The following SUCLG2 variants were observed in gnomAD, a reference collection of about 807,000 sequenced individuals.
SUCLG2 encodes succinate--CoA ligase [GDP-forming] subunit beta, mitochondrial.
Under a neutral mutation model 47.9 loss-of-function variants are expected in SUCLG2, and 42 were observed. The ratio of observed to expected loss-of-function variants is 0.88; its 90% CI spans 0.69 to 1.14. SUCLG2 has a LOEUF of 1.14. SUCLG2 is among the 50% of genes most tolerant of loss of function. The pLI, the probability that SUCLG2 is intolerant of heterozygous loss-of-function variation, is 0.00. For missense variants in SUCLG2, 571 were observed against 525.9 expected (o/e 1.09, Z -0.84); for synonymous variants, 195 against 197.3 (o/e 0.99, Z 0.10).
At position 67,627,414 on chromosome 3, in the gene SUCLG2, T is replaced by G. The variant is rs563129708; in HGVS notation, c.85-17818A>C. On this transcript the variant is annotated intron_variant, in intron 1 of 10. Transcript: ENST00000307227. Reference sequence around the variant, plus strand: ...TTTACTTGGATATTTCACAATTATTTTCTCATTAGATCTGAACAGCATCTT... The same window carrying G: ...TTTACTTGGATATTTCACAATTATTGTCTCATTAGATCTGAACAGCATCTT... Among the ~76,000 whole-genome samples, 3 of 152,338 alleles carry G rather than the reference T, an allele frequency of 2.0e-5. No individual in the cohort carries two copies. The South Asian group carries it at 6.2e-4, about 32-fold the overall frequency.
At chr3:67,366,199 C>T (rs191431558) in intron 10 of SUCLG2, among the ~76,000 whole-genome samples, 9 of 152,248 alleles carry the variant, frequency 5.9e-5, no homozygotes, top group East Asian at 1.9e-4. Context: ...CAGTGGCTCA[C>T]GCCTGTAATC....
chr3:67,532,337 T>C (rs1268394485), intron 2 of SUCLG2, among the ~76,000 whole-genome samples: 1 of 152,162 alleles, frequency 6.6e-6, no homozygotes, highest in Non-Finnish European at 1.5e-5. Context: ...AGGTTTCCCA[T>C]GTTGCTCCAG....
intron 2 of SUCLG2, among the ~76,000 whole-genome samples, chr3:67,603,311 G>A (rs553362184): frequency 6.6e-6 from 1 of 152,350 alleles, no homozygotes; most frequent in South Asian, 2.1e-4. Context: ...GGCTTGCAAT[G>A]TATTTAATTG....
intron 10 of SUCLG2, among the ~76,000 whole-genome samples, chr3:67,366,368 C>A (rs957525387): frequency 1.3e-5 from 2 of 151,930 alleles, no homozygotes; most frequent in East Asian, 1.9e-4. Context: ...AACAAAAAAA[C>A]CCCAGAAAAG....
intron 2 of SUCLG2, among the ~76,000 whole-genome samples, chr3:67,605,699 C>G (rs1411045820): frequency 6.6e-6 from 1 of 152,118 alleles, no homozygotes; most frequent in Non-Finnish European, 1.5e-5. Context: ...AGCACACACA[C>G]ACAACCATGC....
At chr3:67,531,472 C>T (rs1706402332) in intron 2 of SUCLG2, among the ~76,000 whole-genome samples, 1 of 152,112 alleles carries the variant, frequency 6.6e-6, no homozygotes, top group Non-Finnish European at 1.5e-5. Flanking sequence ...AGTCACTAAC[C>T]ATCAAGACAC....
At chr3:67,372,148 A>G (rs142624419), downstream of SUCLG2, among the ~76,000 whole-genome samples, 143 of 152,312 alleles carry the variant, frequency 9.4e-4, 1 homozygote, top group Middle Eastern at 0.014. Context: ...CTCAATAGTC[A>G]CATGTGATGG....
At position 67,508,022 on chromosome 3, in the gene SUCLG2, T is replaced by C. The variant is rs1468161184; in HGVS notation, c.757+785A>G. On this transcript the variant is annotated intron_variant, in intron 7 of 10. Transcript: ENST00000307227. ...ATAAGAACTTATGGAATATTTGCTG[T>C]ATGCAAGAAACAGTGCAGTGGTGGT... Among the ~76,000 whole-genome samples, 4 of 152,222 alleles carry C rather than the reference T, an allele frequency of 2.6e-5. No homozygotes were observed. The East Asian group carries it at 7.7e-4, about 29-fold the overall frequency.
At chr3:67,645,179 G>T (rs140732523) in intron 1 of SUCLG2, among the ~76,000 whole-genome samples, 1 of 152,010 alleles carries the variant, frequency 6.6e-6, no homozygotes, top group East Asian at 1.9e-4. Context: ...TTCCTATAAA[G>T]TTTAACTCTG....
chr3:67,375,584 T>C lies in SUCLG2; in HGVS notation c.*160A>G, dbSNP rs1159992548. The stretch of plus-strand genomic sequence containing the variant: ...CAAAATCAGATTTAGGCTGTCTAGA[T>C]ATCTTATTCCAGAAAACACAGATTT... On this transcript the variant is annotated 3_prime_UTR_variant, in exon 11 of 11. Coordinates refer to ENST00000307227, the MANE Select transcript of SUCLG2 (RefSeq NM_003848.4). The C allele has an allele frequency of 1.8e-5, 25 of 1,424,990 alleles. No individual in the cohort carries two copies. The highest frequency in any genetic ancestry group is 2.3e-5 in the Non-Finnish European group (25 of 1,093,554). The allele number at this position is 1,424,990 out of a possible 1,614,324, so 88.3% of individuals were successfully genotyped here. A position where few individuals can be genotyped will look rare whatever the true frequency, so the allele number is the denominator to read the frequency against.
intron 7 of SUCLG2, among the ~76,000 whole-genome samples, chr3:67,502,552 C>T (rs1053436853): frequency 6.6e-6 from 1 of 152,176 alleles, no homozygotes; most frequent in Non-Finnish European, 1.5e-5. Flanking sequence ...GTATGCAAAG[C>T]GCTTAGCTTC....
At chr3:67,597,524 G>A (rs915712877) in intron 2 of SUCLG2, among the ~76,000 whole-genome samples, 1 of 152,094 alleles carries the variant, frequency 6.6e-6, no homozygotes, top group African/African-American at 2.4e-5. Flanking sequence ...ATCCAGCCTC[G>A]TCCTCCCTAT....
chr3:67,598,852 TG>T (rs1269579365), intron 2 of SUCLG2, among the ~76,000 whole-genome samples: 1 of 152,132 alleles, frequency 6.6e-6, no homozygotes, highest in East Asian at 1.9e-4. Flanking sequence ...GATGAGGAAA[TG>T]GAGCCTTCGA....
At chr3:67,571,628 T>G (rs1707612669) in intron 2 of SUCLG2, among the ~76,000 whole-genome samples, 1 of 152,232 alleles carries the variant, frequency 6.6e-6, no homozygotes, top group Non-Finnish European at 1.5e-5. Context: ...TTAGAACAAG[T>G]TAGCAAACTA....
chr3:67,427,440 C>A (rs755984978), intron 9 of SUCLG2, among the ~76,000 whole-genome samples: 1 of 152,186 alleles, frequency 6.6e-6, no homozygotes, highest in Non-Finnish European at 1.5e-5. Context: ...TATCCCAGAA[C>A]TAATGTTGTC....
At chr3:67,497,851 A>C (rs1307681256) in intron 8 of SUCLG2, among the ~76,000 whole-genome samples, 1 of 152,156 alleles carries the variant, frequency 6.6e-6, no homozygotes, top group Non-Finnish European at 1.5e-5. Context: ...GGTTGTTAGT[A>C]GTATCTAGAG....
intron 9 of SUCLG2, among the ~76,000 whole-genome samples, chr3:67,432,453 C>T (rs1364807772): frequency 1.3e-5 from 2 of 152,122 alleles, no homozygotes; most frequent in African/African-American, 4.8e-5. Context: ...CAAACAGCTG[C>T]GAAGGAAACT....
chr3:67,559,294 T>G (rs2772449), intron 2 of SUCLG2, among the ~76,000 whole-genome samples: 33,654 of 152,012 alleles, frequency 0.22, 6,476 homozygotes, highest in African/African-American at 0.49. Flanking sequence ...ATGCTATAAA[T>G]ATACTACCTG....
At chr3:67,532,738 C>T (rs1275798405) in intron 2 of SUCLG2, among the ~76,000 whole-genome samples, 3 of 152,152 alleles carry the variant, frequency 2.0e-5, no homozygotes, top group African/African-American at 7.2e-5. Flanking sequence ...CTCTCAAACA[C>T]AGTATCACTT....
Sources: gnomAD v4.1 joint callset for allele counts (sites outside exome capture counted in the v4.1 genomes callset) on GRCh38, gnomAD v4.1.1 for gene constraint, MANE v1.5 for transcripts, NCBI Gene and HGNC (gene_info 2026-07-23, HGNC 2026-07-21) for gene names.